The following OSBPL9 variants were observed in gnomAD, a reference collection of about 807,000 sequenced individuals.
OSBPL9 encodes oxysterol binding protein like 9.
Under a neutral mutation model 106.6 loss-of-function variants are expected in OSBPL9, and 40 were observed. That is an observed-to-expected ratio of 0.38 (90% CI 0.29 to 0.49). OSBPL9 has a LOEUF of 0.49. Ranked by LOEUF, OSBPL9 falls within the 20% of genes least tolerant of loss-of-function variation. The pLI is 0.97. For missense variants in OSBPL9, 609 were observed against 887.2 expected (o/e 0.69, Z 3.98); for synonymous variants, 269 against 295.4 (o/e 0.91, Z 0.92).
In OSBPL9 at chr1:51,789,052, C is replaced by T. The variant is rs187393581; in HGVS notation, c.*1263C>T. 33 of 648,038 alleles carry T rather than the reference C, an allele frequency of 5.1e-5. No homozygotes were observed. In the Admixed American group the frequency reaches 9.3e-4, roughly 18 times the overall value. The allele number at this position is 648,038 out of a possible 1,614,324, so 40.1% of individuals were successfully genotyped here. A position where few individuals can be genotyped will look rare whatever the true frequency, so the allele number is the denominator to read the frequency against. ...GGCCCATTCTGCTAATTTTCCTTTG[C>T]CAGCTCCTACAGTAACCCTGGGTTT... On this transcript the variant is annotated 3_prime_UTR_variant, in exon 24 of 24. Transcript: ENST00000428468.
chr1:51,783,880 T>G (rs1571781165), intron 17 of OSBPL9, 35 bp from the exon 18 acceptor site: 1 of 1,449,186 alleles, frequency 6.9e-7, no homozygotes, highest in African/African-American at 1.4e-5. Context: ...TGGCTGTAGG[T>G]ATATATAATC....
intron 2 of OSBPL9, among the ~76,000 whole-genome samples, chr1:51,655,046 G>T (rs1646734604): frequency 6.6e-6 from 1 of 152,092 alleles, no homozygotes; most frequent in South Asian, 2.1e-4. Context: ...TTATGCCACT[G>T]AACTATACAC....
intron 2 of OSBPL9, among the ~76,000 whole-genome samples, chr1:51,652,653 C>T (rs991619946): frequency 2.0e-5 from 3 of 152,062 alleles, no homozygotes; most frequent in African/African-American, 7.2e-5. Context: ...TATTCAAAAT[C>T]CAGTGTGTTT....
chr1:51,559,159 C>A, the OSBPL9 span, among the ~76,000 whole-genome samples: 1 of 151,982 alleles, frequency 6.6e-6, no homozygotes. Context: ...GCCAGAGCAT[C>A]TGAAGGCTGG....
chr1:51,723,738 G>A (rs529014758), intron 4 of OSBPL9, among the ~76,000 whole-genome samples: 44 of 152,238 alleles, frequency 2.9e-4, no homozygotes, highest in Admixed American at 1.4e-3. Flanking sequence ...TGGATGTACC[G>A]CCTATTCATT....
At chr1:51,530,391 G>A in the OSBPL9 span, among the ~76,000 whole-genome samples, 1 of 151,792 alleles carries the variant, frequency 6.6e-6, no homozygotes, top group South Asian at 2.1e-4. Flanking sequence ...GAAAATATTT[G>A]CAAATCATAT....
the OSBPL9 span, among the ~76,000 whole-genome samples, chr1:51,556,756 A>G: frequency 6.6e-6 from 1 of 151,520 alleles, no homozygotes; most frequent in African/African-American, 2.4e-5. Flanking sequence ...ACTGCACTCC[A>G]GCCTGGATGA....
chr1:51,559,636 T>C, the OSBPL9 span, among the ~76,000 whole-genome samples: 1 of 152,210 alleles, frequency 6.6e-6, no homozygotes, highest in Admixed American at 6.5e-5. Flanking sequence ...ATTCTTCAAA[T>C]ACTAAGGTTT....
chr1:51,769,559 C>T (rs895226789), intron 12 of OSBPL9, among the ~76,000 whole-genome samples: 72 of 152,242 alleles, frequency 4.7e-4, no homozygotes, highest in African/African-American at 1.7e-3. Context: ...ACAAGGTACT[C>T]GATAAATTAT....
chr1:51,575,593 C>A (rs948865132), upstream of OSBPL9, among the ~76,000 whole-genome samples: 1 of 152,142 alleles, frequency 6.6e-6, no homozygotes. Flanking sequence ...CCTGAGCTGG[C>A]TCTGTCAGCT....
At chr1:51,781,456 A>G in intron 16 of OSBPL9, 121 bp downstream of exon 16, 1 of 1,021,846 alleles carries the variant, frequency 9.8e-7, no homozygotes, top group Non-Finnish European at 1.4e-6. Flanking sequence ...CATAGAAGAA[A>G]TTGTTGTTAG....
chr1:51,616,726 G>A, upstream of OSBPL9: 1 of 184,348 alleles, frequency 5.4e-6, no homozygotes, highest in Non-Finnish European at 1.2e-5. Flanking sequence ...ACAAAACAGC[G>A]AATATTTATT....
intron 1 of OSBPL9, among the ~76,000 whole-genome samples, chr1:51,639,715 T>C (rs1338932300): frequency 6.6e-6 from 1 of 152,188 alleles, no homozygotes; most frequent in Non-Finnish European, 1.5e-5. Flanking sequence ...AGTGAGTTTA[T>C]TGCTTGATCT....
chr1:51,776,756 TTTTC>T (rs1675172071), intron 14 of OSBPL9, 73 bp from the exon 15 acceptor site: 3 of 1,033,440 alleles, frequency 2.9e-6, no homozygotes, highest in South Asian at 1.4e-5. Flanking sequence ...TTTTGTTTTG[TTTTC>T]TTTTTTTTTT....
intron 2 of OSBPL9, 152 bp from the exon 3 acceptor site, chr1:51,669,282 C>T (rs1313348753): frequency 3.1e-6 from 2 of 646,378 alleles, no homozygotes; most frequent in Non-Finnish European, 5.4e-6. Context: ...AGTTCTTTCT[C>T]CTTAAGCAAA....
At chr1:51,654,512 T>G (rs983446523) in intron 2 of OSBPL9, among the ~76,000 whole-genome samples, 3 of 152,178 alleles carry the variant, frequency 2.0e-5, no homozygotes, top group Non-Finnish European at 4.4e-5. Context: ...TATATGTATA[T>G]TTCCAAAAGA....
chr1:51,763,362 G>T (rs144988890), intron 11 of OSBPL9, among the ~76,000 whole-genome samples: 35 of 152,156 alleles, frequency 2.3e-4, no homozygotes, highest in African/African-American at 6.5e-4. Flanking sequence ...GTTTTACAGG[G>T]ATACTATCAG....
intron 8 of OSBPL9, chr1:51,752,830 A>G (rs1327130356): frequency 8.2e-6 from 2 of 244,594 alleles, no homozygotes; most frequent in Admixed American, 4.4e-5. Context: ...CCCCACCCTT[A>G]TGATCCCATT....
intron 2 of OSBPL9, among the ~76,000 whole-genome samples, chr1:51,601,698 G>A (rs1645325734): frequency 6.6e-6 from 1 of 152,194 alleles, no homozygotes; most frequent in African/African-American, 2.4e-5. Flanking sequence ...ATGTCAGTAA[G>A]CTCAGCTCAA....
Sources: allele counts gnomAD v4.1 joint callset (sites outside exome capture counted in the v4.1 genomes callset), GRCh38; gene constraint gnomAD v4.1.1; transcripts MANE v1.5; gene names NCBI Gene and HGNC (gene_info 2026-07-23, HGNC 2026-07-21).